Variants in CRISPLD1 observed in about 807,000 individuals in gnomAD.
CRISPLD1 encodes the protein cysteine rich secretory protein LCCL domain containing 1.
CRISPLD1 carries 60 observed loss-of-function variants against 77.5 expected under a neutral mutation model. The ratio of observed to expected loss-of-function variants is 0.77; its 90% confidence interval spans 0.63 to 0.96. The LOEUF is 0.96. Among genes scored for constraint, CRISPLD1 ranks in the 40% least tolerant of loss-of-function variants. CRISPLD1 has a pLI of 0.00. For missense variants in CRISPLD1, 623 were observed against 615.8 expected, an observed-to-expected ratio of 1.01 and a Z score of -0.12; for synonymous variants, 195 against 200.1, an observed-to-expected ratio of 0.97 and a Z score of 0.22.
At chr8:75,029,145 TG>T (rs1813286224) in intron 13 of CRISPLD1, among the ~76,000 whole-genome samples, 1 of 152,162 alleles carries the variant, frequency 6.6e-6, no homozygotes. Context: ...TAGATTAGAT[TG>T]GGGAGGGGTC....
Position 75,020,117 on chromosome 8 carries a change from A to G in CRISPLD1, c.1244+38A>G, listed in dbSNP as rs767226972. ...ACACATAGGGGGCTTTGGCCCTGTG[A>G]TAACTGTTTTTGCCTGAAATTCTGA... On this transcript the variant is annotated intron_variant, in intron 12 of 14. Coordinates refer to ENST00000262207, the MANE Select transcript of CRISPLD1 (RefSeq NM_031461.6). 11 of 1,551,572 alleles carry G rather than the reference A, an allele frequency of 7.1e-6. No individual in the cohort carries two copies. The South Asian group carries it at 1.1e-4, about 16-fold the overall frequency.
chr8:74,990,352 C>T (rs1186885956), intron 2 of CRISPLD1, among the ~76,000 whole-genome samples: 1 of 151,808 alleles, frequency 6.6e-6, no homozygotes, highest in African/African-American at 2.4e-5. Flanking sequence ...TGTGGAATAG[C>T]TTTGCTTTCT....
At chr8:75,022,452 G>C (rs1267647863) in intron 12 of CRISPLD1, among the ~76,000 whole-genome samples, 1 of 151,988 alleles carries the variant, frequency 6.6e-6, no homozygotes, top group Non-Finnish European at 1.5e-5. Context: ...AGCCGGGCGT[G>C]GGGGCGGGTG....
At chr8:75,031,472 AATAAAT>A (rs1393215028) in intron 14 of CRISPLD1, among the ~76,000 whole-genome samples, 1 of 152,050 alleles carries the variant, frequency 6.6e-6, no homozygotes, top group African/African-American at 2.4e-5. Flanking sequence ...TACGTTGCTA[AATAAAT>A]ATAAACAATT....
At chr8:75,000,950 T>C (rs1171788624) in intron 2 of CRISPLD1, among the ~76,000 whole-genome samples, 2 of 152,176 alleles carry the variant, frequency 1.3e-5, no homozygotes, top group Non-Finnish European at 2.9e-5. Context: ...AATAGTTTTA[T>C]TAGAAAATTG....
chr8:75,002,070 A>T (rs1040062069), intron 2 of CRISPLD1, among the ~76,000 whole-genome samples: 4 of 152,070 alleles, frequency 2.6e-5, no homozygotes, highest in Admixed American at 2.0e-4. Flanking sequence ...CAAAGGTCTT[A>T]AATTAGTTAA....
intron 2 of CRISPLD1, among the ~76,000 whole-genome samples, chr8:74,989,096 G>C (rs1476540992): frequency 1.3e-5 from 2 of 152,036 alleles, no homozygotes; most frequent in African/African-American, 4.8e-5. Context: ...AAGAGTTGGG[G>C]GTATACATCA....
At chr8:75,023,506 G>C (rs1288149246) in intron 12 of CRISPLD1, among the ~76,000 whole-genome samples, 1 of 152,124 alleles carries the variant, frequency 6.6e-6, no homozygotes, top group Admixed American at 6.5e-5. Flanking sequence ...TCCATGTTAT[G>C]TGAAGTATAT....
intron 6 of CRISPLD1, among the ~76,000 whole-genome samples, 183 bp downstream of exon 6, chr8:75,015,095 G>A (rs533054305): frequency 2.0e-5 from 3 of 152,136 alleles, no homozygotes; most frequent in African/African-American, 4.8e-5. Flanking sequence ...TTTGTTATAT[G>A]AAATTTTTAA....
chr8:75,021,881 A>G lies in CRISPLD1; in HGVS notation c.1244+1802A>G, dbSNP rs563006753. ...TATTAAATACCTACTAAGTACGAAT[A>G]TTATGCCTAGCCTTATGTCAGCCAT... is the stretch of plus-strand genomic sequence containing the variant. On this transcript the variant is annotated intron_variant, in intron 12 of 14. Coordinates refer to ENST00000262207, the MANE Select transcript of CRISPLD1 (RefSeq NM_031461.6). Among the ~76,000 whole-genome samples the G allele has an allele frequency of 8.7e-4, 133 of 152,268 alleles. No individual in the cohort carries two copies. In the Middle Eastern group the frequency reaches 0.01, roughly 12 times the overall value.
At chr8:74,994,739 T>A (rs1812621839) in intron 2 of CRISPLD1, among the ~76,000 whole-genome samples, 1 of 152,160 alleles carries the variant, frequency 6.6e-6, no homozygotes. Context: ...TGCCCAGCAA[T>A]CATTATTAAT....
At position 75,011,962 on chromosome 8, in the gene CRISPLD1, A is replaced by C. The variant is rs200101176; in HGVS notation, c.259-471A>C. ...GCTTACATCTAAGAGAATTGATACG[A>C]TGTCACAGAAAAAGTATTTTATAAA... On this transcript the variant is annotated intron_variant, in intron 2 of 14. Transcript: ENST00000262207. 4.6e-5 allele frequency among the ~76,000 whole-genome samples: 7 copies of C among 152,154 alleles called. No individual in the cohort carries two copies. In the East Asian group the frequency reaches 1.3e-3, roughly 29 times the overall value.
intron 2 of CRISPLD1, among the ~76,000 whole-genome samples, chr8:74,993,617 T>C (rs1812606794): frequency 6.6e-6 from 1 of 152,154 alleles, no homozygotes; most frequent in Non-Finnish European, 1.5e-5. Context: ...TAGATGACAA[T>C]ACCTATAGAA....
At position 75,034,142 on chromosome 8, in the gene CRISPLD1, TC is replaced by T. The variant is rs968483262; in HGVS notation, c.*1902del. 1.9e-4 allele frequency: 29 copies of T among 152,196 alleles called. No homozygotes were observed. The highest frequency in any genetic ancestry group is 1.6e-3 in the Admixed American group (24 of 15,290). 9.4% of individuals were successfully genotyped at this position (152,196 alleles called of 1,614,324 possible). The stretch of plus-strand genomic sequence containing the variant: ...CCCCAGAACCCTTGAAATTAACTCT[TC>T]CATGAGTTTTCATTGCTGAAGAAAA... On this transcript the variant is annotated 3_prime_UTR_variant, in exon 15 of 15. Transcript: ENST00000262207.
At chr8:75,026,311 GTCC>G (rs1415447374) in intron 13 of CRISPLD1, 1 of 152,584 alleles carries the variant, frequency 6.6e-6, no homozygotes, top group Admixed American at 6.5e-5. Context: ...GCCTCAAGCA[GTCC>G]TCCTGCCTTG....
At chr8:74,995,373 C>A (rs1812630941) in intron 2 of CRISPLD1, among the ~76,000 whole-genome samples, 1 of 152,202 alleles carries the variant, frequency 6.6e-6, no homozygotes, top group African/African-American at 2.4e-5. Flanking sequence ...ATAATACAGT[C>A]TGGGTGAAGT....
intron 13 of CRISPLD1, among the ~76,000 whole-genome samples, chr8:75,027,143 C>T (rs1813248208): frequency 6.6e-6 from 1 of 152,050 alleles, no homozygotes; most frequent in African/African-American, 2.4e-5. Context: ...TACCGTATCT[C>T]TTTTATTAGT....
At chr8:75,002,328 T>C (rs967843320) in intron 2 of CRISPLD1, among the ~76,000 whole-genome samples, 2 of 149,176 alleles carry the variant, frequency 1.3e-5, no homozygotes, top group African/African-American at 2.5e-5. Flanking sequence ...AAGCAGATTC[T>C]TATAGGAACA....
At chr8:74,999,969 A>G (rs569728185) in intron 2 of CRISPLD1, among the ~76,000 whole-genome samples, 68 of 151,256 alleles carry the variant, frequency 4.5e-4, no homozygotes, top group African/African-American at 1.6e-3. Context: ...AATAAACCTT[A>G]AAGGCCATAT....
Sources: gnomAD v4.1 joint callset for allele counts (sites outside exome capture counted in the v4.1 genomes callset) on GRCh38, gnomAD v4.1.1 for gene constraint, MANE v1.5 for transcripts, NCBI Gene and HGNC (gene_info 2026-07-23, HGNC 2026-07-21) for gene names.